C12orf42: variants seen among roughly 807,000 people sequenced by gnomAD.
C12orf42 encodes chromosome 12 open reading frame 42, also known as uncharacterized protein C12orf42.
C12orf42 carries 25 observed loss-of-function variants against 21.6 expected under a neutral mutation model. That is an observed-to-expected ratio of 1.16 (90% CI 0.84 to 1.62). The LOEUF (loss-of-function observed/expected upper bound fraction) is 1.62. Among genes scored for constraint, C12orf42 ranks in the 40% most tolerant of loss-of-function variants. The pLI, the probability that C12orf42 is intolerant of heterozygous loss-of-function variation, is 0.00. For missense variants in C12orf42, 483 were observed against 459.3 expected (o/e 1.05, Z -0.47); for synonymous variants, 174 against 175.0 (o/e 0.99, Z 0.05).
At chr12:103,335,057 CTG>C (rs910833865) in intron 4 of C12orf42, among the ~76,000 whole-genome samples, 34 of 152,140 alleles carry the variant, frequency 2.2e-4, no homozygotes, top group African/African-American at 6.5e-4. Context: ...ATTTTTATTT[CTG>C]TGTTTTATGA....
chr12:103,511,571 C>T, the C12orf42 span, among the ~76,000 whole-genome samples: 742 of 152,088 alleles, frequency 4.9e-3, 4 homozygotes, highest in African/African-American at 0.017. Context: ...CCCCTTTTAC[C>T]GCTCTTCCTC....
At chr12:103,349,849 T>C (rs2042961651) in intron 4 of C12orf42, among the ~76,000 whole-genome samples, 1 of 152,170 alleles carries the variant, frequency 6.6e-6, no homozygotes, top group Non-Finnish European at 1.5e-5. Context: ...AAAATTTTAC[T>C]TGAAAATGTC....
At chr12:103,392,471 C>A (rs1026163766) in intron 3 of C12orf42, among the ~76,000 whole-genome samples, 3 of 152,160 alleles carry the variant, frequency 2.0e-5, no homozygotes, top group African/African-American at 7.2e-5. Context: ...CATAGAATGT[C>A]TTTCCATTTA....
At chr12:103,505,209 G>A in the C12orf42 span, among the ~76,000 whole-genome samples, 1 of 152,158 alleles carries the variant, frequency 6.6e-6, no homozygotes, top group Non-Finnish European at 1.5e-5. Context: ...AACATCTATT[G>A]AGAGAAGGAG....
intron 10 of C12orf42, among the ~76,000 whole-genome samples, chr12:103,243,137 C>T (rs1187049203): frequency 6.6e-6 from 1 of 152,064 alleles, no homozygotes; most frequent in Non-Finnish European, 1.5e-5. Flanking sequence ...GATTCTTCTA[C>T]CTCAGCCTCC....
chr12:103,054,828 G>A, the C12orf42 span, among the ~76,000 whole-genome samples: 22 of 151,930 alleles, frequency 1.4e-4, no homozygotes, highest in African/African-American at 5.1e-4. Context: ...CGATTGATAT[G>A]ACCATGTGAT....
At chr12:103,267,508 G>A (rs1325072571), downstream of C12orf42, 1 of 151,986 alleles carries the variant, frequency 6.6e-6, no homozygotes, top group Non-Finnish European at 1.5e-5. Context: ...GTCAATTTGT[G>A]TAAATTATAA....
intron 4 of C12orf42, among the ~76,000 whole-genome samples, chr12:103,366,229 A>C (rs4764956): frequency 0.15 from 22,764 of 152,056 alleles, 2,610 homozygotes; most frequent in African/African-American, 0.33. Flanking sequence ...CACCCTATTC[A>C]ACAAATGGTG....
At chr12:103,485,862 G>A (rs1237826716) in intron 1 of C12orf42, among the ~76,000 whole-genome samples, 1 of 152,144 alleles carries the variant, frequency 6.6e-6, no homozygotes, top group East Asian at 1.9e-4. Context: ...TCAGCTTAAG[G>A]AGACTTGGGG....
intron 2 of C12orf42, among the ~76,000 whole-genome samples, chr12:103,470,122 T>C (rs913734693): frequency 6.6e-6 from 1 of 152,168 alleles, no homozygotes; most frequent in Non-Finnish European, 1.5e-5. Context: ...TAAGAAGAGA[T>C]TTTTAGTAAG....
intron 4 of C12orf42, among the ~76,000 whole-genome samples, chr12:103,326,108 T>A (rs1416076437): frequency 1.3e-5 from 2 of 152,196 alleles, no homozygotes; most frequent in East Asian, 3.8e-4. Context: ...TACCCTCCAT[T>A]TTTTCAAATA....
At chr12:103,400,714 T>C (rs1259282022) in intron 3 of C12orf42, among the ~76,000 whole-genome samples, 3 of 152,218 alleles carry the variant, frequency 2.0e-5, no homozygotes, top group Non-Finnish European at 1.5e-5. Context: ...TCTTGAATCG[T>C]ATTTCCAGTC....
the C12orf42 span, among the ~76,000 whole-genome samples, chr12:103,512,946 G>A: frequency 6.6e-6 from 1 of 151,668 alleles, no homozygotes; most frequent in African/African-American, 2.4e-5. Context: ...AGGCTGCAGT[G>A]AGCTGAGATT....
chr12:103,325,068 A>T lies in C12orf42; in HGVS notation c.260-18723T>A, dbSNP rs369856093. 5.3e-5 allele frequency among the ~76,000 whole-genome samples: 8 copies of T among 152,346 alleles called. No individual in the cohort carries two copies. The South Asian group carries it at 1.7e-3, about 32-fold the overall frequency. ...CTTCGAGCAATTATCCAAACAAAACAGTTGGCGCCTGTGTTGGCAACTAAG... is the reference window on the plus strand; with the variant it reads ...CTTCGAGCAATTATCCAAACAAAACTGTTGGCGCCTGTGTTGGCAACTAAG... On this transcript the variant is annotated intron_variant, in intron 4 of 5. Transcript: ENST00000548883.
chr12:103,359,585 G>A (rs2043902618), intron 4 of C12orf42, among the ~76,000 whole-genome samples: 1 of 151,992 alleles, frequency 6.6e-6, no homozygotes, highest in Non-Finnish European at 1.5e-5. Flanking sequence ...ATGACTTTCT[G>A]GAAAAGGTAA....
intron 6 of C12orf42, among the ~76,000 whole-genome samples, chr12:103,269,158 A>G (rs1566006787): frequency 6.6e-6 from 1 of 152,180 alleles, no homozygotes; most frequent in South Asian, 2.1e-4. Context: ...TTTGTAACCT[A>G]CAAAATGAAG....
the C12orf42 span, among the ~76,000 whole-genome samples, chr12:103,530,777 G>A: frequency 6.6e-6 from 1 of 152,242 alleles, no homozygotes; most frequent in Admixed American, 6.5e-5. Context: ...CGGTTCAAAT[G>A]CTCTATTTTC....
downstream of C12orf42, chr12:103,267,916 T>G (rs1056474899): frequency 6.6e-6 from 1 of 152,198 alleles, no homozygotes; most frequent in African/African-American, 2.4e-5. Context: ...ACATAAACTT[T>G]AGTTGTTATT....
In C12orf42 at chr12:103,323,384, G is replaced by A. The variant is rs142502187; in HGVS notation, c.260-17039C>T. On this transcript the variant is annotated intron_variant, in intron 4 of 5. Transcript: ENST00000548883. ...TGATTAGATGCCTGTTCAACACAGT[G>A]AGGATGAAAACCAGTCTTCATGGTG... Among the ~76,000 whole-genome samples the A allele has an allele frequency of 3.0e-3, 459 of 152,326 alleles. 4 individuals carry two copies. Among genetic ancestry groups the A allele is most frequent in the Middle Eastern group, 0.017 (5 of 294 alleles).
Sources: gnomAD v4.1 joint callset for allele counts (sites outside exome capture counted in the v4.1 genomes callset) on GRCh38, gnomAD v4.1.1 for gene constraint, MANE v1.5 for transcripts, NCBI Gene and HGNC (gene_info 2026-07-23, HGNC 2026-07-21) for gene names.